PLEKHA5: variants seen among roughly 807,000 people sequenced by gnomAD.
The protein encoded by PLEKHA5 is pleckstrin homology domain-containing family A member 5.
A neutral mutation model predicts 181.9 loss-of-function variants in PLEKHA5; 55 were observed. The observed-to-expected ratio is 0.30, with a 90% CI of 0.24 to 0.38. The LOEUF (loss-of-function observed/expected upper bound fraction) is 0.38, where lower values mean the gene tolerates loss of function less well. Ranked by LOEUF, PLEKHA5 falls within the 10% of genes least tolerant of loss-of-function variation. The pLI is 1.00. For missense variants in PLEKHA5, 1,432 were observed against 1,549.5 expected, an observed-to-expected ratio of 0.92 and a Z score of 1.27; for synonymous variants, 535 against 529.4, an observed-to-expected ratio of 1.01 and a Z score of -0.15.
chr12:19,295,110 G>A (rs180828907), intron 15 of PLEKHA5, among the ~76,000 whole-genome samples: 1 of 152,254 alleles, frequency 6.6e-6, no homozygotes, highest in East Asian at 1.9e-4. Flanking sequence ...TAGGCCCAAA[G>A]TAGAACCTGT....
chr12:19,277,872 G>T (rs928161091), intron 11 of PLEKHA5, among the ~76,000 whole-genome samples: 9 of 152,172 alleles, frequency 5.9e-5, no homozygotes, highest in African/African-American at 2.2e-4. Context: ...GCACTGTTAA[G>T]ATGCATGGTC....
chr12:19,295,357 A>C (rs539374374), intron 15 of PLEKHA5, among the ~76,000 whole-genome samples: 1 of 152,280 alleles, frequency 6.6e-6, no homozygotes, highest in Non-Finnish European at 1.5e-5. Context: ...TTTTCTGCCT[A>C]ACAGAATATA....
chr12:19,267,815 T>C (rs531354202), intron 8 of PLEKHA5, among the ~76,000 whole-genome samples: 8 of 149,838 alleles, frequency 5.3e-5, no homozygotes, highest in South Asian at 4.2e-4. Flanking sequence ...AATACAAAAT[T>C]AGCCAGGTAT....
At chr12:19,361,796 A>C (rs1349877370) in intron 29 of PLEKHA5, 90 bp downstream of exon 29, 1 of 1,130,802 alleles carries the variant, frequency 8.8e-7, no homozygotes, top group African/African-American at 1.6e-5. Context: ...ACTGGATTTC[A>C]GCCCCAGCTT....
At chr12:19,332,868 C>T (rs2092987506) in intron 20 of PLEKHA5, among the ~76,000 whole-genome samples, 1 of 152,138 alleles carries the variant, frequency 6.6e-6, no homozygotes, top group South Asian at 2.1e-4. Context: ...GTTGCCCAGG[C>T]TGGTCTCAGA....
At chr12:19,144,295 G>T (rs2038279345) in intron 3 of PLEKHA5, among the ~76,000 whole-genome samples, 1 of 152,164 alleles carries the variant, frequency 6.6e-6, no homozygotes, top group South Asian at 2.1e-4. Flanking sequence ...TCTTTAAGTT[G>T]ACTAGGCTCA....
Position 19,129,852 on chromosome 12 carries a change from A to G in PLEKHA5, c.53A>G (p.Tyr18Cys), listed in dbSNP as rs1412164163. The G allele has an allele frequency of 1.9e-6, 3 of 1,606,542 alleles. No individual in the cohort carries two copies. In the African/African-American group the frequency reaches 4.1e-5, roughly 22 times the overall value. The change falls in exon 1 of 32, where the codon TAC becomes TGC. Residue 18 changes from tyrosine to cysteine, a missense_variant. Physicochemically the swap from Tyr to Cys is radical, Grantham distance 194. This residue lies in a region of PLEKHA5 where 289 missense variants were observed against 381.1 expected (regional missense o/e 0.76). Coordinates refer to ENST00000429027, the MANE Select transcript of PLEKHA5 (RefSeq NM_001256470.2). The stretch of plus-strand genomic sequence containing the variant: ...ATCTCCCTGCCCCGGTCCTGGACTT[A>G]CGGGATCACCAGGGGCGGCCGAGTC... ...EWISLPRSWTYGITRGGRVFF... is the reference protein window; with the variant it reads ...EWISLPRSWTCGITRGGRVFF...
intron 16 of PLEKHA5, among the ~76,000 whole-genome samples, chr12:19,318,999 A>G (rs928113120): frequency 6.6e-6 from 1 of 152,226 alleles, no homozygotes; most frequent in African/African-American, 2.4e-5. Context: ...TGTTATAAAT[A>G]TGAAAATGGA....
intron 15 of PLEKHA5, among the ~76,000 whole-genome samples, chr12:19,312,103 A>C (rs1253579464): frequency 3.3e-5 from 5 of 152,202 alleles, no homozygotes; most frequent in Non-Finnish European, 7.3e-5. Flanking sequence ...ATATTTTGAA[A>C]GGAATCTTTC....
intron 29 of PLEKHA5, among the ~76,000 whole-genome samples, chr12:19,365,360 C>T (rs1311495154): frequency 4.2e-5 from 6 of 143,204 alleles, no homozygotes; most frequent in African/African-American, 5.2e-5. Flanking sequence ...AGTGAGACTC[C>T]GTCTCAAAAA....
chr12:19,175,296 T>G (rs1250430296), intron 3 of PLEKHA5, among the ~76,000 whole-genome samples: 1 of 152,206 alleles, frequency 6.6e-6, no homozygotes, highest in Non-Finnish European at 1.5e-5. Context: ...TGATATTGAG[T>G]TGAACTTGCA....
At chr12:19,210,022 T>C (rs1201590058) in intron 3 of PLEKHA5, among the ~76,000 whole-genome samples, 1 of 152,206 alleles carries the variant, frequency 6.6e-6, no homozygotes, top group East Asian at 1.9e-4. Context: ...TTCTGACTTC[T>C]TGTTTCCTAA....
chr12:19,260,856 A>G (rs901243934), intron 6 of PLEKHA5, 93 bp from the exon 7 acceptor site: 8 of 752,828 alleles, frequency 1.1e-5, no homozygotes, highest in African/African-American at 7.1e-5. Flanking sequence ...GCGAAACTCC[A>G]TCTCAAAAAA....
At chr12:19,321,151 G>A (rs1057443508) in intron 18 of PLEKHA5, among the ~76,000 whole-genome samples, 12 of 150,532 alleles carry the variant, frequency 8.0e-5, no homozygotes, top group East Asian at 3.9e-4. Flanking sequence ...GGGTTATGGC[G>A]TGAGACCCTG....
intron 13 of PLEKHA5, among the ~76,000 whole-genome samples, chr12:19,289,193 C>T (rs1352342342): frequency 6.6e-6 from 1 of 152,130 alleles, no homozygotes; most frequent in Non-Finnish European, 1.5e-5. Flanking sequence ...TCTCATACAC[C>T]AAATATTCTT....
chr12:19,317,595 GT>G (rs2089325353), intron 16 of PLEKHA5, among the ~76,000 whole-genome samples: 1 of 151,590 alleles, frequency 6.6e-6, no homozygotes, highest in Non-Finnish European at 1.5e-5. Context: ...CCTTTTTGGA[GT>G]TTATGTATCA....
chr12:19,314,738 A>G (rs1342753150), intron 15 of PLEKHA5, 76 bp from the exon 16 acceptor site: 4 of 776,060 alleles, frequency 5.2e-6, no homozygotes, highest in Non-Finnish European at 9.1e-6. Context: ...TAGAGGCTAT[A>G]TTTACAGTGT....
chr12:19,322,290 C>T lies in PLEKHA5; in HGVS notation c.2218-20C>T. On this transcript the variant is annotated intron_variant, in intron 18 of 31. Coordinates refer to ENST00000429027, the MANE Select transcript of PLEKHA5 (RefSeq NM_001256470.2). The stretch of plus-strand genomic sequence containing the variant: ...AAAAAATAAAAAATTGCTAACAAGA[C>T]ATCTTCTCTTATAACCTAGGCCAAG... 1 of 1,543,086 alleles carries T rather than the reference C, an allele frequency of 6.5e-7. No homozygotes were observed. Among genetic ancestry groups the T allele is most frequent in the South Asian group, 1.1e-5 (1 of 88,748 alleles).
At chr12:19,259,680 A>G (rs2067853452) in intron 6 of PLEKHA5, among the ~76,000 whole-genome samples, 1 of 151,788 alleles carries the variant, frequency 6.6e-6, no homozygotes, top group South Asian at 2.1e-4. Flanking sequence ...GAAACCAGGA[A>G]GCAGAGGTTG....
Sources: gnomAD v4.1 joint callset for allele counts (sites outside exome capture counted in the v4.1 genomes callset) on GRCh38, gnomAD v4.1.1 for gene constraint, gnomAD v4.1.1 regional missense constraint, MANE v1.5 for transcripts, NCBI Gene and HGNC (gene_info 2026-07-23, HGNC 2026-07-21) for gene names.